FHIP1A: variants seen among roughly 807,000 people sequenced by gnomAD.
FHIP1A encodes the protein FHF complex subunit HOOK interacting protein 1A.
Under a neutral mutation model 88.6 loss-of-function variants are expected in FHIP1A, and 61 were observed. That is an observed-to-expected ratio of 0.69 (90% CI 0.56 to 0.85). FHIP1A has a LOEUF of 0.85. Ranked by LOEUF, FHIP1A falls within the 40% of genes least tolerant of loss-of-function variation. The probability of loss-of-function intolerance (pLI) is 0.00; values close to 1 mark genes in which losing one functional copy is unlikely to be tolerated. For missense variants in FHIP1A, 1,154 were observed against 1,273.5 expected (o/e 0.91, Z 1.43); for synonymous variants, 478 against 496.0 (o/e 0.96, Z 0.48).
intron 9 of FHIP1A, among the ~76,000 whole-genome samples, chr4:151,640,245 A>G (rs1254961584): frequency 1.3e-5 from 2 of 152,224 alleles, no homozygotes; most frequent in African/African-American, 4.8e-5. Flanking sequence ...GAGAGTGATT[A>G]CAAAATGAGT....
intron 3 of FHIP1A, among the ~76,000 whole-genome samples, chr4:151,524,441 A>C (rs1052214078): frequency 1.3e-5 from 2 of 152,214 alleles, no homozygotes; most frequent in African/African-American, 4.8e-5. Flanking sequence ...GGCCTGTAGA[A>C]ATTAAATGAT....
At position 151,656,638 on chromosome 4, in the gene FHIP1A, A is replaced by G; in HGVS notation, c.2731-122A>G. 8.4e-7 allele frequency: 1 copy of G among 1,183,576 alleles called. No homozygotes were observed. The highest frequency in any genetic ancestry group is 2.6e-5 in the Admixed American group (1 of 38,070). 73.3% of individuals were successfully genotyped at this position (1,183,576 alleles called of 1,614,324 possible). On this transcript the variant is annotated intron_variant, in intron 12 of 13. Transcript: ENST00000435205. This position sits in a 1 kb window ranked among gnomAD's most constrained non-coding sequence, Gnocchi z 4.2. Reference sequence around the variant, plus strand: ...ACGCAGAACACCCAGGCAGTTAAAAATGAACAAATGTCTAACATCATAATA... The same window carrying G: ...ACGCAGAACACCCAGGCAGTTAAAAGTGAACAAATGTCTAACATCATAATA...
chr4:151,473,901 G>A (rs1729612056), intron 2 of FHIP1A, among the ~76,000 whole-genome samples: 1 of 152,142 alleles, frequency 6.6e-6, no homozygotes, highest in African/African-American at 2.4e-5. Context: ...TCTATATAGG[G>A]GATGTTTTGG....
chr4:151,521,771 C>G (rs1016254512), intron 3 of FHIP1A, among the ~76,000 whole-genome samples: 12 of 152,166 alleles, frequency 7.9e-5, no homozygotes, highest in Non-Finnish European at 1.6e-4. Context: ...GTCCCACAGA[C>G]TGGAGTGCAG....
Position 151,496,716 on chromosome 4 carries a change from C to CTTTTTTT in FHIP1A, c.-123+14079_-123+14085dup, listed in dbSNP as rs58538673. Among the ~76,000 whole-genome samples the CTTTTTTT allele has an allele frequency of 2.0e-3, 200 of 102,434 alleles. 14 individuals are homozygous for CTTTTTTT. Among genetic ancestry groups the CTTTTTTT allele is most frequent in the South Asian group, 6.9e-3 (21 of 3,062 alleles). The allele number at this position is 102,434 out of a possible 152,430, so 67.2% of individuals were successfully genotyped here. ...CACAGGAGCATACCACCACGTCCAG[C>CTTTTTTT]TTTTTTTTTTTTTTTTTGTATTTTT... On this transcript the variant is annotated intron_variant, in intron 3 of 13. Transcript: ENST00000435205.
rs76774809 is a variant in FHIP1A at position 151,429,258 on chromosome 4, C to G, written c.-356+19793C>G. On this transcript the variant is annotated intron_variant, in intron 1 of 13. Transcript: ENST00000435205. ...CCTGTTTTTGTTCACCATTGTTTCC[C>G]CAACACTTAGCTCAGTACCTAGTAC... Among the ~76,000 whole-genome samples the G allele has an allele frequency of 2.0e-3, 306 of 152,302 alleles. 1 individual carries two copies. The highest frequency in any genetic ancestry group is 6.9e-3 in the African/African-American group (286 of 41,564).
At chr4:151,426,060 C>T (rs1270282387) in intron 1 of FHIP1A, among the ~76,000 whole-genome samples, 1 of 152,000 alleles carries the variant, frequency 6.6e-6, no homozygotes, top group East Asian at 1.9e-4. Context: ...AATTTTTCTG[C>T]CTATCTTTAA....
chr4:151,628,552 G>A (rs928092285), intron 7 of FHIP1A, among the ~76,000 whole-genome samples: 8 of 152,126 alleles, frequency 5.3e-5, no homozygotes, highest in Non-Finnish European at 8.8e-5. Flanking sequence ...CCCAGTAACC[G>A]TAAGATAATG....
At chr4:151,411,829 A>G (rs1002812674) in intron 1 of FHIP1A, among the ~76,000 whole-genome samples, 7 of 152,172 alleles carry the variant, frequency 4.6e-5, no homozygotes, top group Non-Finnish European at 7.3e-5. Context: ...ATTGAAACAC[A>G]ATTTAGATCT....
chr4:151,605,872 G>A (rs1735053829), intron 7 of FHIP1A, among the ~76,000 whole-genome samples: 1 of 152,224 alleles, frequency 6.6e-6, no homozygotes, highest in Admixed American at 6.5e-5. Flanking sequence ...CTGTAAGTGT[G>A]TATGTGGGCG....
intron 3 of FHIP1A, among the ~76,000 whole-genome samples, chr4:151,564,070 A>G (rs1012929540): frequency 2.0e-5 from 3 of 152,228 alleles, no homozygotes; most frequent in African/African-American, 7.2e-5. Flanking sequence ...TATCCTGTCT[A>G]TACTGCATTC....
Position 151,476,092 on chromosome 4 carries a change from C to T in FHIP1A, c.-247-6432C>T, listed in dbSNP as rs557407296. On this transcript the variant is annotated intron_variant, in intron 2 of 13. Transcript: ENST00000435205. The stretch of plus-strand genomic sequence containing the variant: ...GGCCAGGATGGTCTCGATCTTTTGA[C>T]CTTGTGATTCGCCTGCCTTGGCCTC... Among the ~76,000 whole-genome samples the T allele has an allele frequency of 3.6e-4, 54 of 151,352 alleles. 1 individual carries two copies. The highest frequency in any genetic ancestry group is 1.2e-3 in the African/African-American group (50 of 41,312).
chr4:151,452,973 C>A (rs1377174906), intron 1 of FHIP1A, among the ~76,000 whole-genome samples: 3 of 149,980 alleles, frequency 2.0e-5, no homozygotes, highest in African/African-American at 7.5e-5. Context: ...CACACACACA[C>A]ACAAACATAC....
chr4:151,570,494 C>T (rs373551371), intron 4 of FHIP1A, among the ~76,000 whole-genome samples: 6 of 152,130 alleles, frequency 3.9e-5, no homozygotes, highest in Non-Finnish European at 8.8e-5. Flanking sequence ...TGCACTGGAG[C>T]GCAGTGGCTA....
At position 151,576,675 on chromosome 4, in the gene FHIP1A, T is replaced by A. The variant is rs561819464; in HGVS notation, c.106-775T>A. 6 of 152,350 alleles carry A rather than the reference T, an allele frequency of 3.9e-5. No individual in the cohort carries two copies. The East Asian group carries it at 1.2e-3, about 29-fold the overall frequency. 9.4% of individuals were successfully genotyped at this position (152,350 alleles called of 1,614,324 possible). A position where few individuals can be genotyped will look rare whatever the true frequency, so the allele number is the denominator to read the frequency against. On this transcript the variant is annotated intron_variant, in intron 4 of 13. Transcript: ENST00000435205. ...TTTTTAAGCTTAAAGAAACACAGCA[T>A]TCAAACCCTTCATTTTTTAGTTTCA...
intron 3 of FHIP1A, among the ~76,000 whole-genome samples, chr4:151,511,948 C>T (rs555541239): frequency 1.3e-3 from 192 of 152,326 alleles, no homozygotes; most frequent in African/African-American, 4.2e-3. Flanking sequence ...TCTCCCAGCA[C>T]GCAGCTGGAG....
At chr4:151,652,969 G>C (rs1737086319) in intron 11 of FHIP1A, among the ~76,000 whole-genome samples, 1 of 152,198 alleles carries the variant, frequency 6.6e-6, no homozygotes, top group African/African-American at 2.4e-5. Context: ...GATCTGAAAA[G>C]GCCAGCTTTG....
chr4:151,583,770 G>A (rs910314393), intron 5 of FHIP1A, among the ~76,000 whole-genome samples: 1 of 152,120 alleles, frequency 6.6e-6, no homozygotes, highest in Non-Finnish European at 1.5e-5. Context: ...ATTTCTCTTC[G>A]AGGAGAACTT....
chr4:151,428,207 T>A (rs757170682), intron 1 of FHIP1A, among the ~76,000 whole-genome samples: 2 of 152,172 alleles, frequency 1.3e-5, no homozygotes, highest in Non-Finnish European at 2.9e-5. Context: ...ATGAGATACA[T>A]CTTGAGTTTC....
Sources: gnomAD v4.1 joint callset for allele counts (sites outside exome capture counted in the v4.1 genomes callset) on GRCh38, gnomAD v4.1.1 for gene constraint, Gnocchi (gnomAD v3.1) non-coding constraint, MANE v1.5 for transcripts, NCBI Gene and HGNC (gene_info 2026-07-23, HGNC 2026-07-21) for gene names.